LHFPL6: variants seen among roughly 807,000 people sequenced by gnomAD.
LHFPL6 encodes LHFPL tetraspan subfamily member 6 protein.
In LHFPL6, 9 loss-of-function variants were observed where a neutral mutation model predicts 20.6. That is an observed-to-expected ratio of 0.44 (90% CI 0.26 to 0.76). The LOEUF (loss-of-function observed/expected upper bound fraction) is 0.76. LHFPL6 is among the 30% of genes least tolerant of loss of function. LHFPL6 has a pLI of 0.20. For missense variants in LHFPL6, 218 were observed against 253.5 expected, an observed-to-expected ratio of 0.86 and a Z score of 0.95; for synonymous variants, 105 against 98.7, an observed-to-expected ratio of 1.06 and a Z score of -0.38.
At chr13:39,456,405 G>A (rs898090813) in intron 2 of LHFPL6, among the ~76,000 whole-genome samples, 7 of 152,166 alleles carry the variant, frequency 4.6e-5, no homozygotes, top group Admixed American at 6.5e-5. Flanking sequence ...GATAAACTGC[G>A]AAAAGTCAAG....
intron 2 of LHFPL6, among the ~76,000 whole-genome samples, chr13:39,536,456 A>G (rs1385063727): frequency 6.6e-6 from 1 of 152,120 alleles, no homozygotes; most frequent in Non-Finnish European, 1.5e-5. Context: ...CCAATGACTG[A>G]GCACTGTGAG....
chr13:39,423,515 T>C (rs935520276), intron 2 of LHFPL6, among the ~76,000 whole-genome samples: 2 of 151,972 alleles, frequency 1.3e-5, no homozygotes, highest in African/African-American at 4.8e-5. Context: ...CCTCCATCTC[T>C]TGGGTTCATG....
chr13:39,468,501 T>C (rs1044603215), intron 2 of LHFPL6, among the ~76,000 whole-genome samples: 1 of 152,148 alleles, frequency 6.6e-6, no homozygotes, highest in Non-Finnish European at 1.5e-5. Flanking sequence ...TGCTGGCTGA[T>C]TTTTTGAACT....
chr13:39,536,510 C>T (rs577262107), intron 2 of LHFPL6, among the ~76,000 whole-genome samples: 10 of 152,202 alleles, frequency 6.6e-5, no homozygotes, highest in African/African-American at 1.7e-4. Flanking sequence ...GCTCTCCTAA[C>T]GCGCAGCTCC....
rs58955444 is a variant in LHFPL6, at chr13:39,459,194, A to ATGTGTGTGTGTG, written c.386-80680_386-80669dup. Among the ~76,000 whole-genome samples the ATGTGTGTGTGTG allele has an allele frequency of 5.8e-3, 784 of 136,032 alleles. 13 individuals are homozygous for ATGTGTGTGTGTG. The highest frequency in any genetic ancestry group is 0.019 in the African/African-American group (694 of 36,310). The allele number at this position is 136,032 out of a possible 152,430, so 89.2% of individuals were successfully genotyped here. A position where few individuals can be genotyped will look rare whatever the true frequency, so the allele number is the denominator to read the frequency against. On this transcript the variant is annotated intron_variant, in intron 2 of 3. Coordinates refer to ENST00000379589, the MANE Select transcript of LHFPL6 (RefSeq NM_005780.3). ...CAGTAATAGCTGGACAAGTTCCTTA[A>ATGTGTGTGTGTG]TGTGTGTGTGTGTGTGTGTGTGTGT...
intron 2 of LHFPL6, among the ~76,000 whole-genome samples, chr13:39,473,855 A>G (rs1873011217): frequency 6.6e-6 from 1 of 152,248 alleles, no homozygotes; most frequent in Non-Finnish European, 1.5e-5. Flanking sequence ...TTCTTCTTGT[A>G]TGACTACAGG....
chr13:39,484,142 A>G (rs1868633054), intron 2 of LHFPL6, among the ~76,000 whole-genome samples: 1 of 152,050 alleles, frequency 6.6e-6, no homozygotes, highest in African/African-American at 2.4e-5. Flanking sequence ...TTTTTCCCCA[A>G]TCCTATCTTC....
chr13:39,434,688 C>T (rs981965938), intron 2 of LHFPL6, among the ~76,000 whole-genome samples: 2 of 152,156 alleles, frequency 1.3e-5, no homozygotes, highest in East Asian at 3.9e-4. Flanking sequence ...AACTGTACTA[C>T]TCCTGGCCAT....
chr13:39,438,732 G>C (rs932062409), intron 2 of LHFPL6, among the ~76,000 whole-genome samples: 3 of 152,224 alleles, frequency 2.0e-5, no homozygotes, highest in Admixed American at 2.0e-4. Flanking sequence ...AAGGGGCCCA[G>C]GTAAAGCTTA....
At chr13:39,581,615 T>C (rs2138539712) in intron 2 of LHFPL6, among the ~76,000 whole-genome samples, 1 of 148,434 alleles carries the variant, frequency 6.7e-6, no homozygotes, top group Non-Finnish European at 1.5e-5. Context: ...TTTTTCTAAC[T>C]ACATGGTCAC....
rs190944985 is a variant in LHFPL6, at chr13:39,531,819, C to T, written c.385+69013G>A. On this transcript the variant is annotated intron_variant, in intron 2 of 3. Transcript: ENST00000379589. ...AACATAATTGCATAACTCAACCCTT[C>T]TGCCACAAGTAAGCTGAAGAAAGGA... Among the ~76,000 whole-genome samples, 47 of 152,278 alleles carry T rather than the reference C, an allele frequency of 3.1e-4. No homozygotes were observed. In the East Asian group the frequency reaches 8.9e-3, roughly 29 times the overall value.
intron 2 of LHFPL6, among the ~76,000 whole-genome samples, chr13:39,424,006 A>T (rs1168420691): frequency 6.6e-6 from 1 of 152,228 alleles, no homozygotes; most frequent in Non-Finnish European, 1.5e-5. Flanking sequence ...AGTAAAGGCA[A>T]GGGGAAGGAA....
At chr13:39,392,589 C>T (rs1349258319) in intron 2 of LHFPL6, among the ~76,000 whole-genome samples, 10 of 144,404 alleles carry the variant, frequency 6.9e-5, no homozygotes, top group Admixed American at 3.4e-4. Flanking sequence ...AGCTAAACTC[C>T]GTCTCAAAAC....
At chr13:39,535,426 A>G (rs559589262) in intron 2 of LHFPL6, among the ~76,000 whole-genome samples, 1 of 152,366 alleles carries the variant, frequency 6.6e-6, no homozygotes, top group South Asian at 2.1e-4. Flanking sequence ...TTCATTAAGG[A>G]ATAACTATTA....
intron 2 of LHFPL6, among the ~76,000 whole-genome samples, chr13:39,569,077 T>C (rs1871818595): frequency 6.6e-6 from 1 of 152,196 alleles, no homozygotes; most frequent in Middle Eastern, 3.2e-3. Context: ...CTCATCAATG[T>C]ATCTTTGGCC....
chr13:39,406,188 A>C (rs1420991379), intron 2 of LHFPL6, among the ~76,000 whole-genome samples: 3 of 152,202 alleles, frequency 2.0e-5, no homozygotes, highest in Non-Finnish European at 4.4e-5. Flanking sequence ...TGTGTTTTAC[A>C]TAACAATTTA....
chr13:39,556,611 C>G (rs1429775037), intron 2 of LHFPL6, among the ~76,000 whole-genome samples: 4 of 152,084 alleles, frequency 2.6e-5, no homozygotes, highest in Non-Finnish European at 5.9e-5. Flanking sequence ...TGGCTTCTAA[C>G]AGCTTATAAT....
chr13:39,351,391 A>C (rs943101755), intron 3 of LHFPL6, among the ~76,000 whole-genome samples: 2 of 151,442 alleles, frequency 1.3e-5, no homozygotes, highest in African/African-American at 4.9e-5. Context: ...AATAAATAGC[A>C]AAGCTTGAAC....
chr13:39,353,534 G>A (rs1401263827), intron 3 of LHFPL6, among the ~76,000 whole-genome samples: 1 of 151,716 alleles, frequency 6.6e-6, no homozygotes, highest in Admixed American at 6.6e-5. Flanking sequence ...AGACCATCCT[G>A]GCTAACATGG....
Sources: allele counts gnomAD v4.1 joint callset (sites outside exome capture counted in the v4.1 genomes callset), GRCh38; gene constraint gnomAD v4.1.1; transcripts MANE v1.5; gene names NCBI Gene and HGNC (gene_info 2026-07-23, HGNC 2026-07-21).